The following WDFY4 variants were observed in gnomAD, a reference collection of about 807,000 sequenced individuals.
The protein encoded by WDFY4 is WD repeat- and FYVE domain-containing protein 4.
A neutral mutation model predicts 351.9 loss-of-function variants in WDFY4; 169 were observed. That is an observed-to-expected ratio of 0.48 (90% confidence interval 0.42 to 0.55). The LOEUF (loss-of-function observed/expected upper bound fraction) is 0.55, where lower values mean the gene tolerates loss of function less well. WDFY4 is among the 20% of genes least tolerant of loss of function. WDFY4 has a pLI of 0.00. For synonymous variants in WDFY4, 1,622 were observed against 1,574.6 expected (o/e 1.03, Z -0.71); for missense variants, 3,803 against 3,935.6 (o/e 0.97, Z 0.90).
chr10:48,740,306 G>A (rs2064812114), intron 11 of WDFY4, among the ~76,000 whole-genome samples: 2 of 152,212 alleles, frequency 1.3e-5, no homozygotes, highest in Admixed American at 1.3e-4. Context: ...AGTTAGAAAG[G>A]AGGGACCAAA....
chr10:48,779,692 C>T (rs956046968), intron 18 of WDFY4, among the ~76,000 whole-genome samples: 1 of 152,136 alleles, frequency 6.6e-6, no homozygotes, highest in Non-Finnish European at 1.5e-5. Context: ...CATGTATGAG[C>T]GCCTACCTCA....
intron 39 of WDFY4, among the ~76,000 whole-genome samples, chr10:48,849,390 A>C (rs1318674662): frequency 6.6e-6 from 1 of 152,226 alleles, no homozygotes; most frequent in Non-Finnish European, 1.5e-5. Context: ...CATTTTGTAC[A>C]TCAATCAGTC....
chr10:48,777,227 C>T (rs1471949064), intron 16 of WDFY4, among the ~76,000 whole-genome samples, 192 bp from the exon 17 acceptor site: 1 of 152,322 alleles, frequency 6.6e-6, no homozygotes, highest in East Asian at 1.9e-4. Context: ...CCCATCCTGC[C>T]TGCAGTGCAA....
chr10:48,754,539 T>C (rs191358316), intron 12 of WDFY4, among the ~76,000 whole-genome samples: 250 of 151,764 alleles, frequency 1.6e-3, no homozygotes, highest in Non-Finnish European at 2.9e-3. Context: ...TTTTTCTCAA[T>C]AGCACTTATC....
intron 16 of WDFY4, 120 bp from the exon 17 acceptor site, chr10:48,777,298 TA>T: frequency 1.0e-6 from 1 of 969,636 alleles, no homozygotes; most frequent in Non-Finnish European, 1.6e-6. Context: ...CCTTATGGTC[TA>T]AGGAGGGTTA....
At chr10:48,748,243 A>G (rs968566879) in intron 12 of WDFY4, among the ~76,000 whole-genome samples, 1 of 152,254 alleles carries the variant, frequency 6.6e-6, no homozygotes, top group African/African-American at 2.4e-5. Flanking sequence ...GAAAAGCAAT[A>G]GTAATTAGTT....
intron 33 of WDFY4, 92 bp downstream of exon 33, chr10:48,820,529 G>T (rs2067785433): frequency 7.5e-7 from 1 of 1,337,310 alleles, no homozygotes; most frequent in African/African-American, 1.5e-5. Flanking sequence ...GGAGACAGAG[G>T]GCCTGGGGGC....
At chr10:48,858,479 G>T (rs149928121) in intron 39 of WDFY4, among the ~76,000 whole-genome samples, 39 of 152,296 alleles carry the variant, frequency 2.6e-4, no homozygotes, top group East Asian at 9.6e-4. Flanking sequence ...CTGTTGAATA[G>T]CTTTTGCAAC....
chr10:48,802,297 G>A (rs554326351), intron 24 of WDFY4, among the ~76,000 whole-genome samples: 16 of 152,294 alleles, frequency 1.1e-4, no homozygotes, highest in African/African-American at 3.6e-4. Context: ...AATTGCTTGA[G>A]CCCAGGAAGT....
intron 31 of WDFY4, among the ~76,000 whole-genome samples, chr10:48,817,040 A>G (rs1250622802): frequency 2.0e-5 from 3 of 152,218 alleles, no homozygotes; most frequent in East Asian, 3.8e-4. Context: ...GAGAAGAGGC[A>G]TATGTATGAA....
intron 1 of WDFY4, among the ~76,000 whole-genome samples, chr10:48,692,965 AG>A (rs780400457): frequency 6.6e-6 from 1 of 151,948 alleles, no homozygotes; most frequent in Non-Finnish European, 1.5e-5. Flanking sequence ...TCTTGTGTTG[AG>A]GGGGGCAGCC....
In WDFY4 at chr10:48,774,660, C is replaced by A. The variant is rs1331955636; in HGVS notation, c.2756C>A (p.Pro919Gln). The A allele has an allele frequency of 1.9e-6, 3 of 1,551,696 alleles. No individual in the cohort carries two copies. Among genetic ancestry groups the A allele is most frequent in the East Asian group, 2.4e-5 (1 of 40,916 alleles). ...FEKLASQAIE[P>Q]DVLRQFLGLG... ...AAGCTCGCTTCCCAGGCCATTGAACCGGATGTGCTAAGGTACCACATGCTG... is the reference window on the plus strand; with the variant it reads ...AAGCTCGCTTCCCAGGCCATTGAACAGGATGTGCTAAGGTACCACATGCTG... Residue 919 changes from proline to glutamine, a missense_variant, in exon 14 of 62, where the codon CCG becomes CAG. Pro to Gln is a moderately conservative substitution (Grantham distance 76, BLOSUM62 -1). Around this residue, in one of 3 missense-constraint regions of WDFY4, gnomAD observed 3,054 missense variants for 3,148.6 expected, o/e 0.97. Coordinates refer to ENST00000325239, the MANE Select transcript of WDFY4 (RefSeq NM_001394531.1).
At position 48,974,527 on chromosome 10, in the gene WDFY4, A is replaced by AAAAAAAAAAAAAAAAACAAAACAAC; in HGVS notation, c.8929-333_8929-332insAAAAAAAAAAAAAACAAAACAACAA. Among the ~76,000 whole-genome samples, 20 of 23,194 alleles carry AAAAAAAAAAAAAAAAACAAAACAAC rather than the reference A, an allele frequency of 8.6e-4. 1 individual carries two copies. Among genetic ancestry groups the AAAAAAAAAAAAAAAAACAAAACAAC allele is most frequent in the Admixed American group, 1.8e-3 (3 of 1,670 alleles). 15.2% of individuals were successfully genotyped at this position (23,194 alleles called of 152,430 possible). A position where few individuals can be genotyped will look rare whatever the true frequency, so the allele number is the denominator to read the frequency against. The stretch of plus-strand genomic sequence containing the variant: ...CAAAAAAAAAAAAAAAAAAAAAAAA[A>AAAAAAAAAAAAAAAAACAAAACAAC]AACAACTCATGACATGAACTGCTCC... On this transcript the variant is annotated intron_variant, in intron 57 of 61. Transcript: ENST00000325239.
intron 38 of WDFY4, among the ~76,000 whole-genome samples, chr10:48,832,060 A>C (rs1365549768): frequency 6.6e-6 from 1 of 152,246 alleles, no homozygotes; most frequent in Non-Finnish European, 1.5e-5. Flanking sequence ...TAAAGTCAAA[A>C]TGTCAGATTC....
At chr10:48,957,341 C>G in intron 52 of WDFY4, 59 bp downstream of exon 52, 1 of 1,526,560 alleles carries the variant, frequency 6.6e-7, no homozygotes, top group Non-Finnish European at 8.9e-7. Context: ...TTTCCCACAG[C>G]CCCTGGGTGA....
intron 29 of WDFY4, among the ~76,000 whole-genome samples, chr10:48,811,184 T>C (rs1419344764): frequency 6.6e-6 from 1 of 152,210 alleles, no homozygotes; most frequent in Non-Finnish European, 1.5e-5. Flanking sequence ...ATTATTTGAG[T>C]ATTTAATTGC....
intron 51 of WDFY4, among the ~76,000 whole-genome samples, chr10:48,950,449 C>T (rs2663027): frequency 0.87 from 132,274 of 152,148 alleles, 59,319 homozygotes; most frequent in South Asian, 0.98. Flanking sequence ...TGGGGTGCTT[C>T]CTCCCTCTGA....
intron 1 of WDFY4, among the ~76,000 whole-genome samples, chr10:48,694,377 C>G (rs12764199): frequency 0.27 from 40,814 of 152,092 alleles, 5,889 homozygotes; most frequent in Non-Finnish European, 0.33. Flanking sequence ...CCTCTTTTCT[C>G]TAACCTGCCC....
At chr10:48,794,101 A>G (rs1338304763) in intron 23 of WDFY4, among the ~76,000 whole-genome samples, 1 of 152,208 alleles carries the variant, frequency 6.6e-6, no homozygotes, top group Non-Finnish European at 1.5e-5. Flanking sequence ...GTAGGGAGCC[A>G]TAGCCTTACC....
Sources: allele counts gnomAD v4.1 joint callset (sites outside exome capture counted in the v4.1 genomes callset), GRCh38; gene constraint gnomAD v4.1.1; regional missense constraint gnomAD v4.1.1; transcripts MANE v1.5; gene names NCBI Gene and HGNC (gene_info 2026-07-23, HGNC 2026-07-21).